SNRNP48: variants seen among roughly 807,000 people sequenced by gnomAD.
The protein encoded by SNRNP48 is small nuclear ribonucleoprotein U11/U12 subunit 48, also known as U11/U12 small nuclear ribonucleoprotein 48 kDa protein.
Under a neutral mutation model 47.0 loss-of-function variants are expected in SNRNP48, and 43 were observed. That is an observed-to-expected ratio of 0.92 (90% confidence interval 0.72 to 1.18). SNRNP48 has a LOEUF of 1.18. Among genes scored for constraint, SNRNP48 ranks in the 50% most tolerant of loss-of-function variants. The probability of loss-of-function intolerance (pLI) is 0.00; values close to 1 mark genes in which losing one functional copy is unlikely to be tolerated. For synonymous variants in SNRNP48, 138 were observed against 144.0 expected (o/e 0.96, Z 0.30); for missense variants, 396 against 422.2 (o/e 0.94, Z 0.54).
intron 1 of SNRNP48, 93 bp downstream of exon 1, chr6:7,590,506 A>G: frequency 6.6e-6 from 8 of 1,216,198 alleles, no homozygotes; most frequent in Non-Finnish European, 7.3e-6. Flanking sequence ...CGCGGAGGGA[A>G]GGGCGAGGAG....
chr6:7,592,842 G>A (rs997422938), intron 1 of SNRNP48, among the ~76,000 whole-genome samples: 3 of 152,110 alleles, frequency 2.0e-5, no homozygotes, highest in African/African-American at 7.2e-5. Flanking sequence ...TGGGGATGGA[G>A]GATGTTGAGG....
chr6:7,604,232 G>T (rs1289048715), intron 6 of SNRNP48, among the ~76,000 whole-genome samples: 1 of 152,224 alleles, frequency 6.6e-6, no homozygotes, highest in East Asian at 1.9e-4. Flanking sequence ...TGAGATAGGT[G>T]TGTGTGACTC....
At chr6:7,600,515 C>T (rs1287282089) in intron 4 of SNRNP48, 1 of 152,224 alleles carries the variant, frequency 6.6e-6, no homozygotes, top group African/African-American at 2.4e-5. Context: ...GCTTTTTTTA[C>T]AGTTCCAATC....
chr6:7,595,690 A>C (rs1225853735), intron 4 of SNRNP48, among the ~76,000 whole-genome samples: 1 of 152,234 alleles, frequency 6.6e-6, no homozygotes, highest in Non-Finnish European at 1.5e-5. Flanking sequence ...GAAAAGGCTT[A>C]GGCTAAAAGA....
intron 1 of SNRNP48, among the ~76,000 whole-genome samples, chr6:7,592,030 A>G (rs1373191009): frequency 6.6e-6 from 1 of 152,080 alleles, no homozygotes; most frequent in Non-Finnish European, 1.5e-5. Flanking sequence ...GGATAACTGA[A>G]CCATTATATT....
intron 4 of SNRNP48, chr6:7,600,221 G>A: frequency 1.0e-6 from 1 of 984,820 alleles, no homozygotes; most frequent in African/African-American, 1.7e-5. Flanking sequence ...CAGATTCACT[G>A]CAGCTCTCCT....
At chr6:7,605,008 A>T (rs1230982786) in intron 6 of SNRNP48, among the ~76,000 whole-genome samples, 3 of 148,156 alleles carry the variant, frequency 2.0e-5, no homozygotes, top group Non-Finnish European at 4.5e-5. Context: ...TCTCATTGGC[A>T]CTCTCTCTCT....
In SNRNP48 at chr6:7,602,102, T is replaced by G. The variant is rs371276449; in HGVS notation, c.596-521T>G. 1.2e-4 allele frequency among the ~76,000 whole-genome samples: 18 copies of G among 152,258 alleles called. No individual in the cohort carries two copies. In the South Asian group the frequency reaches 3.7e-3, roughly 32 times the overall value. On this transcript the variant is annotated intron_variant, in intron 5 of 8. Transcript: ENST00000342415. ...CTCCTGGCCTCAAGTGATCCTCCTG[T>G]CTTGGCCTCCCAAAGTGCTGGGATT...
At chr6:7,607,678 T>C (rs1760156928) in intron 8 of SNRNP48, among the ~76,000 whole-genome samples, 1 of 152,232 alleles carries the variant, frequency 6.6e-6, no homozygotes, top group African/African-American at 2.4e-5. Context: ...GTTCTTGAGC[T>C]TAATAGTTAT....
intron 6 of SNRNP48, 83 bp downstream of exon 6, chr6:7,602,827 G>A: frequency 7.4e-7 from 1 of 1,359,186 alleles, no homozygotes; most frequent in Non-Finnish European, 9.8e-7. Context: ...ACAATTCTTT[G>A]GAAATTTTCT....
chr6:7,595,938 T>C (rs1179091980), intron 4 of SNRNP48, among the ~76,000 whole-genome samples: 1 of 152,206 alleles, frequency 6.6e-6, no homozygotes, highest in African/African-American at 2.4e-5. Context: ...CATAAGCTTT[T>C]AGGAAATTGA....
rs1353246694 is a variant in SNRNP48, at chr6:7,611,356, A to G, written c.*2483A>G. On this transcript the variant is annotated 3_prime_UTR_variant, in exon 9 of 9. Transcript: ENST00000342415. ...TACCACACCTGTCTAAAAAGTATGT[A>G]TTTTTAAATTTTTTTGTAGAGACAG... 6.6e-6 allele frequency: 1 copy of G among 152,122 alleles called. No homozygotes were observed. Among genetic ancestry groups the G allele is most frequent in the Non-Finnish European group, 1.5e-5 (1 of 68,034 alleles). The allele number at this position is 152,122 out of a possible 1,614,324, so 9.4% of individuals were successfully genotyped here. A position where few individuals can be genotyped will look rare whatever the true frequency, so the allele number is the denominator to read the frequency against.
chr6:7,590,811 C>G (rs1759803313), intron 1 of SNRNP48, among the ~76,000 whole-genome samples: 1 of 152,194 alleles, frequency 6.6e-6, no homozygotes, highest in Non-Finnish European at 1.5e-5. Context: ...AACCTCTTCT[C>G]TACCAAAAGT....
At chr6:7,603,790 C>T (rs1318663730) in intron 6 of SNRNP48, among the ~76,000 whole-genome samples, 2 of 152,190 alleles carry the variant, frequency 1.3e-5, no homozygotes, top group Non-Finnish European at 2.9e-5. Context: ...AGACCTGGGT[C>T]CCTGTCATAC....
At chr6:7,606,522 G>C (rs1373181647) in intron 8 of SNRNP48, among the ~76,000 whole-genome samples, 1 of 152,194 alleles carries the variant, frequency 6.6e-6, no homozygotes, top group East Asian at 1.9e-4. Context: ...CCTTTCTTCT[G>C]CTCATTCCTT....
At chr6:7,597,873 T>C (rs1453011403) in intron 4 of SNRNP48, among the ~76,000 whole-genome samples, 1 of 150,484 alleles carries the variant, frequency 6.6e-6, no homozygotes, top group Non-Finnish European at 1.5e-5. Context: ...ACCTTTTTTT[T>C]TTTTTTTTTT....
chr6:7,601,361 A>T lies in SNRNP48; in HGVS notation c.432A>T (p.Glu144Asp). 1 of 1,575,018 alleles carries T rather than the reference A, an allele frequency of 6.3e-7. No individual in the cohort carries two copies. The highest frequency in any genetic ancestry group is 2.1e-5 in the Admixed American group (1 of 47,298). ...NQRIYSSLPV[E>D]VPLNHKRFVC... The stretch of plus-strand genomic sequence containing the variant: ...GAATTTATTCTTCATTGCCTGTTGA[A>T]GTTCCTTTGAATCACAAACGGTTTG... The change falls in exon 5 of 9, where the codon GAA (glutamate) becomes GAT (aspartate). Residue 144 changes from glutamate (E) to aspartate (D), a missense_variant. Glu to Asp is a conservative substitution (Grantham distance 45). Coordinates refer to ENST00000342415, the MANE Select transcript of SNRNP48 (RefSeq NM_152551.4).
chr6:7,602,060 G>A (rs183694194), intron 5 of SNRNP48, among the ~76,000 whole-genome samples: 3 of 152,152 alleles, frequency 2.0e-5, no homozygotes, highest in Admixed American at 2.0e-4. Flanking sequence ...TGCTACGCTG[G>A]CCAGGCTGGT....
intron 4 of SNRNP48, chr6:7,600,090 T>A: frequency 1.0e-6 from 1 of 995,174 alleles, no homozygotes; most frequent in Non-Finnish European, 1.2e-6. Context: ...AAATGCCTAC[T>A]ATAATTAGAA....
Sources: gnomAD v4.1 joint callset for allele counts (sites outside exome capture counted in the v4.1 genomes callset) on GRCh38, gnomAD v4.1.1 for gene constraint, MANE v1.5 for transcripts, NCBI Gene and HGNC (gene_info 2026-07-23, HGNC 2026-07-21) for gene names.